Variants in NALF1 observed in about 807,000 individuals in gnomAD.
NALF1 encodes NALCN channel auxiliary factor 1.
NALF1 carries 3 observed loss-of-function variants against 48.4 expected under a neutral mutation model. That is an observed-to-expected ratio of 0.06 (90% CI 0.03 to 0.16). The LOEUF (loss-of-function observed/expected upper bound fraction) is 0.16, where lower values mean the gene tolerates loss of function less well. Among genes scored for constraint, NALF1 ranks in the 10% least tolerant of loss-of-function variants. The probability of loss-of-function intolerance (pLI) is 1.00; values close to 1 mark genes in which losing one functional copy is unlikely to be tolerated. For synonymous variants in NALF1, 262 were observed against 245.7 expected (o/e 1.07, Z -0.62); for missense variants, 526 against 571.5 (o/e 0.92, Z 0.81).
intron 1 of NALF1, among the ~76,000 whole-genome samples, chr13:107,338,310 G>A (rs868771698): frequency 3.9e-5 from 6 of 152,258 alleles, no homozygotes; most frequent in African/African-American, 1.4e-4. Context: ...TTGGTGCCTG[G>A]GTAGGGAGCT....
At chr13:107,782,811 G>A (rs1376520517) in intron 1 of NALF1, among the ~76,000 whole-genome samples, 6 of 150,950 alleles carry the variant, frequency 4.0e-5, no homozygotes, top group East Asian at 2.0e-4. Context: ...GAGCCCCTCC[G>A]CTTGGCAACC....
At chr13:107,644,928 ATATTT>A (rs1311061351) in intron 1 of NALF1, among the ~76,000 whole-genome samples, 2 of 151,876 alleles carry the variant, frequency 1.3e-5, no homozygotes, top group African/African-American at 4.8e-5. Flanking sequence ...ACAGAATCAT[ATATTT>A]TATTTTCTAC....
chr13:107,255,665 A>G (rs9520349), intron 1 of NALF1, among the ~76,000 whole-genome samples: 78,352 of 152,104 alleles, frequency 0.52, 22,897 homozygotes, highest in South Asian at 0.69. Context: ...AAGTATATAC[A>G]TTATATACAG....
At chr13:107,738,488 T>C (rs978711347) in intron 1 of NALF1, among the ~76,000 whole-genome samples, 4 of 152,150 alleles carry the variant, frequency 2.6e-5, no homozygotes, top group African/African-American at 9.7e-5. Flanking sequence ...CTCATTCTTC[T>C]AACAGTCAAT....
chr13:107,250,890 T>C (rs997650158), intron 1 of NALF1, among the ~76,000 whole-genome samples: 1 of 152,162 alleles, frequency 6.6e-6, no homozygotes, highest in Non-Finnish European at 1.5e-5. Flanking sequence ...CTTCACTCTC[T>C]TCCTCCTGCT....
chr13:107,529,740 C>T (rs897292446), intron 1 of NALF1, among the ~76,000 whole-genome samples: 3 of 152,088 alleles, frequency 2.0e-5, no homozygotes, highest in South Asian at 2.1e-4. Context: ...TTAGATCTTC[C>T]GTAAGCTCTG....
chr13:107,699,217 C>T (rs569643107), intron 1 of NALF1, among the ~76,000 whole-genome samples: 4 of 152,092 alleles, frequency 2.6e-5, no homozygotes, highest in Non-Finnish European at 4.4e-5. Context: ...TTTTTGTCCT[C>T]CTAACCCAAT....
chr13:107,449,114 G>A (rs769712405), intron 1 of NALF1, among the ~76,000 whole-genome samples: 1 of 152,128 alleles, frequency 6.6e-6, no homozygotes, highest in Non-Finnish European at 1.5e-5. Flanking sequence ...CGTGATGGTG[G>A]GCACCTATAA....
intron 1 of NALF1, among the ~76,000 whole-genome samples, chr13:107,211,592 T>C (rs1416465519): frequency 1.3e-5 from 2 of 152,244 alleles, no homozygotes; most frequent in Non-Finnish European, 2.9e-5. Flanking sequence ...TAAGCTGATC[T>C]TAAATTCAAA....
intron 1 of NALF1, among the ~76,000 whole-genome samples, chr13:107,573,683 TG>T (rs36103094): frequency 6.6e-6 from 1 of 151,992 alleles, no homozygotes; most frequent in East Asian, 1.9e-4. Context: ...CCACATGTCA[TG>T]GGGGGGACCT....
At chr13:107,810,175 T>G (rs749564957) in intron 1 of NALF1, among the ~76,000 whole-genome samples, 1 of 152,120 alleles carries the variant, frequency 6.6e-6, no homozygotes, top group Non-Finnish European at 1.5e-5. Flanking sequence ...TAGAAATTAT[T>G]TTCTCCAAGA....
intron 1 of NALF1, among the ~76,000 whole-genome samples, chr13:107,601,258 C>T (rs996473176): frequency 2.0e-5 from 3 of 152,156 alleles, no homozygotes; most frequent in African/African-American, 4.8e-5. Flanking sequence ...TGAGACTGTG[C>T]TGACCAGGAT....
chr13:107,200,016 T>G (rs1490619713), intron 2 of NALF1, among the ~76,000 whole-genome samples: 1 of 152,212 alleles, frequency 6.6e-6, no homozygotes, highest in Non-Finnish European at 1.5e-5. Flanking sequence ...GTTTGCTTAT[T>G]GAACACAAAC....
chr13:107,290,188 A>AC (rs1469842088), intron 1 of NALF1, among the ~76,000 whole-genome samples: 2,517 of 126,872 alleles, frequency 0.02, 33 homozygotes, highest in African/African-American at 0.033. Flanking sequence ...AAAAAAAAAC[A>AC]AAAAAAAAAA....
intron 1 of NALF1, among the ~76,000 whole-genome samples, chr13:107,434,229 G>C (rs1227869300): frequency 2.0e-5 from 3 of 152,158 alleles, no homozygotes; most frequent in Admixed American, 2.0e-4. Flanking sequence ...AGAAATCTTA[G>C]TCAGTGGACT....
At chr13:107,804,915 A>G (rs1878728842) in intron 1 of NALF1, among the ~76,000 whole-genome samples, 1 of 152,154 alleles carries the variant, frequency 6.6e-6, no homozygotes, top group Non-Finnish European at 1.5e-5. Flanking sequence ...AAGCAGATAA[A>G]CTGTGCCTTA....
At chr13:107,317,573 G>A (rs961729385) in intron 1 of NALF1, among the ~76,000 whole-genome samples, 1 of 152,004 alleles carries the variant, frequency 6.6e-6, no homozygotes, top group Non-Finnish European at 1.5e-5. Flanking sequence ...TAGTTTGGAA[G>A]AAGTAAGAAA....
chr13:107,421,414 C>T (rs1884184572), intron 1 of NALF1, among the ~76,000 whole-genome samples: 1 of 152,094 alleles, frequency 6.6e-6, no homozygotes, highest in South Asian at 2.1e-4. Context: ...AATAAAATAT[C>T]TATTTGTTAA....
At chr13:107,850,915 G>T (rs1880296988) in intron 1 of NALF1, among the ~76,000 whole-genome samples, 1 of 151,768 alleles carries the variant, frequency 6.6e-6, no homozygotes, top group African/African-American at 2.4e-5. Flanking sequence ...AAAAAAAAAG[G>T]AAAAGAAAAA....
Sources: allele counts gnomAD v4.1 joint callset (sites outside exome capture counted in the v4.1 genomes callset), GRCh38; gene constraint gnomAD v4.1.1; transcripts MANE v1.5; gene names NCBI Gene and HGNC (gene_info 2026-07-23, HGNC 2026-07-21).